Variants in MMP10 observed in about 807,000 individuals in gnomAD.
MMP10 encodes matrix metallopeptidase 10, also known as stromelysin-2.
Under a neutral mutation model 49.1 loss-of-function variants are expected in MMP10, and 50 were observed. The observed-to-expected ratio is 1.02, with a 90% CI of 0.81 to 1.29. The LOEUF (loss-of-function observed/expected upper bound fraction) is 1.29. MMP10 is among the 50% of genes most tolerant of loss of function. The pLI is 0.00. For missense variants in MMP10, 613 were observed against 563.8 expected, an observed-to-expected ratio of 1.09 and a Z score of -0.88; for synonymous variants, 229 against 201.6, an observed-to-expected ratio of 1.14 and a Z score of -1.15.
chr11:102,779,152 A>T, intron 3 of MMP10, 61 bp downstream of exon 3: 1 of 1,578,364 alleles, frequency 6.3e-7, no homozygotes, highest in Non-Finnish European at 8.6e-7. Flanking sequence ...GTCTAAGGTA[A>T]CTTGCTATAG....
chr11:102,777,775 G>A (rs926407080), intron 4 of MMP10, among the ~76,000 whole-genome samples: 1 of 152,104 alleles, frequency 6.6e-6, no homozygotes, highest in African/African-American at 2.4e-5. Context: ...GAAAAGAACA[G>A]TTGTTCAAAT....
intron 3 of MMP10, 80 bp from the exon 4 acceptor site, chr11:102,778,829 T>C (rs956103285): frequency 9.4e-5 from 144 of 1,528,390 alleles, no homozygotes; most frequent in Non-Finnish European, 1.1e-4. Flanking sequence ...CAGTAGATTC[T>C]ATAGTCTGAA....
Position 102,776,403 on chromosome 11 carries a change from T to A in MMP10, c.809A>T (p.Glu270Val), listed in dbSNP as rs1015188354. 2 of 1,613,856 alleles carry A rather than the reference T, an allele frequency of 1.2e-6. No homozygotes were observed. Among genetic ancestry groups the A allele is most frequent in the Non-Finnish European group, 1.7e-6 (2 of 1,179,904 alleles). ...SLYGPPPASTEEPLVPTKSVP... is the reference protein window; with the variant it reads ...SLYGPPPASTVEPLVPTKSVP... ...AGATTTTGTGGGCACCAGGGGTTCCTCAGTAGAGGCAGGGGGAGGTCCTAA... is the reference window on the plus strand; with the variant it reads ...AGATTTTGTGGGCACCAGGGGTTCCACAGTAGAGGCAGGGGGAGGTCCTAA... The change falls in exon 6 of 10, where the codon GAG becomes GTG. Residue 270 changes from glutamate (E) to valine (V), a missense_variant. Transcript: ENST00000279441.
Position 102,772,649 on chromosome 11 carries a change from G to A in MMP10, c.1226+198C>T, listed in dbSNP as rs1861986287. ...CCTCTCCTGATGTCTTTTAGTGTCT[G>A]AGTATATGGCCCAGTGATCACCATT... On this transcript the variant is annotated intron_variant, in intron 8 of 9. Coordinates refer to ENST00000279441, the MANE Select transcript of MMP10 (RefSeq NM_002425.3). The surrounding 1 kb of genome is among the most constrained non-coding windows in gnomAD (Gnocchi z 4.4). Among the ~76,000 whole-genome samples, 1 of 152,156 alleles carries A rather than the reference G, an allele frequency of 6.6e-6. No homozygotes were observed.
At position 102,772,088 on chromosome 11, in the gene MMP10, C is replaced by T. The variant is rs1861981694; in HGVS notation, c.1254G>A (p.Glu418=). ...WRFDENSQSM[E]QGFPRLIADD... The stretch of plus-strand genomic sequence containing the variant: ...CAGCTATTAGTCTAGGGAAGCCTTG[C>T]TCCATGGACTGGCTATTTTCATCAA... Residue 418 remains glutamate (E), a synonymous_variant, in exon 9 of 10, where the codon GAG becomes GAA. Coordinates refer to ENST00000279441, the MANE Select transcript of MMP10 (RefSeq NM_002425.3). The surrounding 1 kb of genome is among the most constrained non-coding windows in gnomAD (Gnocchi z 4.4). The T allele has an allele frequency of 1.2e-6, 2 of 1,612,678 alleles. No homozygotes were observed. Among genetic ancestry groups the T allele is most frequent in the Admixed American group, 1.7e-5 (1 of 59,944 alleles).
intron 4 of MMP10, among the ~76,000 whole-genome samples, chr11:102,777,002 T>C (rs1857750619): frequency 6.6e-6 from 1 of 152,184 alleles, no homozygotes; most frequent in African/African-American, 2.4e-5. Context: ...TATCCCTCCC[T>C]AGATCCCTCC....
chr11:102,773,755 C>G (rs1363387627), intron 7 of MMP10, among the ~76,000 whole-genome samples: 2 of 152,220 alleles, frequency 1.3e-5, no homozygotes, highest in Non-Finnish European at 2.9e-5. Flanking sequence ...AACATCACCT[C>G]CCCTAAGGGA....
In MMP10 at chr11:102,776,327, G is replaced by A. The variant is rs370246000; in HGVS notation, c.885C>T (p.Phe295=). The change falls in exon 6 of 10, where the codon TTC becomes TTT. Residue 295 remains phenylalanine (F), a synonymous_variant. Transcript: ENST00000279441. ...MPAKCDPALS[F]DAISTLRGEY... The stretch of plus-strand genomic sequence containing the variant: ...CTCCCCTCAGAGTGCTGATGGCATC[G>A]AAGGACAAAGCAGGATCACACTTGG... The A allele has an allele frequency of 7.1e-5, 115 of 1,613,714 alleles. No individual in the cohort carries two copies. Among genetic ancestry groups the A allele is most frequent in the Non-Finnish European group, 9.5e-5 (112 of 1,179,844 alleles).
rs1018568969 is a variant in MMP10 at position 102,779,675 on chromosome 11, A to G, written c.176T>C (p.Ile59Thr). ...KQFRRKDSNL[I>T]VKKIQGMQKF... ...CTGCATTCCTTGGATTTTTTTAACAATGAGATTACTGTCCTTTCTTCTAAA... is the reference window on the plus strand; with the variant it reads ...CTGCATTCCTTGGATTTTTTTAACAGTGAGATTACTGTCCTTTCTTCTAAA... Residue 59 changes from isoleucine (I) to threonine (T), a missense_variant, in exon 2 of 10, where the codon ATT (isoleucine) becomes ACT (threonine). Ile to Thr is a moderately conservative substitution (Grantham distance 89, BLOSUM62 -1). Coordinates refer to ENST00000279441, the MANE Select transcript of MMP10 (RefSeq NM_002425.3). The G allele has an allele frequency of 6.2e-7, 1 of 1,613,972 alleles. No homozygotes were observed. The highest frequency in any genetic ancestry group is 8.5e-7 in the Non-Finnish European group (1 of 1,179,988).
At chr11:102,779,795 A>G in intron 1 of MMP10, 50 bp from the exon 2 acceptor site, 1 of 1,571,578 alleles carries the variant, frequency 6.4e-7, no homozygotes, top group South Asian at 1.2e-5. Context: ...TCCATCATTT[A>G]TCCAACTTTT....
rs1370609216 is a variant in MMP10 at position 102,770,833 on chromosome 11, ACC to A, written c.1389_1390del (p.Met463IlefsTer8). 1 of 1,613,196 alleles carries A rather than the reference ACC, an allele frequency of 6.2e-7. No individual in the cohort carries two copies. The highest frequency in any genetic ancestry group is 1.3e-5 in the African/African-American group (1 of 75,024). ...GCTGTTACTCTTTAATATGTGTGTC[ACC>A]ATCCTGGCATTGGGGTCAAACTCAA... On this transcript the variant is annotated frameshift_variant, in exon 10 of 10. Transcript: ENST00000279441. LOFTEE classifies it high-confidence loss of function.
chr11:102,771,176 C>T (rs1186678860), intron 9 of MMP10, among the ~76,000 whole-genome samples: 1 of 152,158 alleles, frequency 6.6e-6, no homozygotes, highest in Non-Finnish European at 1.5e-5. Flanking sequence ...TCTCATCTGA[C>T]TCCAAAGGAA....
In MMP10 at chr11:102,772,999, C is replaced by G. The variant is rs769229991; in HGVS notation, c.1074G>C (p.Glu358Asp). 2 of 1,585,102 alleles carry G rather than the reference C, an allele frequency of 1.3e-6. No homozygotes were observed. The highest frequency in any genetic ancestry group is 1.2e-5 in the South Asian group (1 of 85,074). Residue 358 changes from glutamate (E) to aspartate (D), a missense_variant, in exon 8 of 10, where the codon GAG becomes GAC. Transcript: ENST00000279441. The surrounding 1 kb of genome is among the most constrained non-coding windows in gnomAD (Gnocchi z 4.4). ...RDTVFIFKGN[E>D]FWAIRGNEVQ... The stretch of plus-strand genomic sequence containing the variant: ...CCTCATTTCCTCTGATGGCCCAGAA[C>G]TCATTTCCTATTGAAAAAATAAATC...
At chr11:102,777,610 A>T (rs1857760678) in intron 4 of MMP10, among the ~76,000 whole-genome samples, 1 of 152,108 alleles carries the variant, frequency 6.6e-6, no homozygotes, top group South Asian at 2.1e-4. Flanking sequence ...GTGCCATTGG[A>T]TGTGTACAAT....
At chr11:102,771,990 A>C in intron 9 of MMP10, 22 bp downstream of exon 9, 1 of 1,443,960 alleles carries the variant, frequency 6.9e-7, no homozygotes, top group East Asian at 2.3e-5. Context: ...CCTGCATGAC[A>C]ATGAAATAAG....
Position 102,772,027 on chromosome 11 carries a change from C to G in MMP10, c.1315G>C (p.Val439Leu). The change falls in exon 9 of 10, where the codon GTA (valine) becomes CTA (leucine). Residue 439 changes from valine to leucine, a missense_variant. Coordinates refer to ENST00000279441, the MANE Select transcript of MMP10 (RefSeq NM_002425.3). The surrounding 1 kb of genome is among the most constrained non-coding windows in gnomAD (Gnocchi z 4.4). ...GTCTTCTTACCAAATGCCTGTAATA[C>G]AGCATCAACCTTAGGCTCAACTCCT... ...FPGVEPKVDA[V>L]LQAFGFFYFF... 6.2e-7 allele frequency: 1 copy of G among 1,609,388 alleles called. No homozygotes were observed. Among genetic ancestry groups the G allele is most frequent in the Non-Finnish European group, 8.5e-7 (1 of 1,175,970 alleles).
At chr11:102,777,056 G>A (rs1349430325) in intron 4 of MMP10, among the ~76,000 whole-genome samples, 1 of 151,458 alleles carries the variant, frequency 6.6e-6, no homozygotes. Flanking sequence ...TGACAAATGA[G>A]AAGCATTATT....
chr11:102,772,910 T>C lies in MMP10; in HGVS notation c.1163A>G (p.Asp388Gly), dbSNP rs1591702734. ...CTTTTCCTTGTCAGAAACAGCTGCA[T>C]CAATTTTCCTTATGGTTGGAGGAAA... The part of the protein sequence containing the change: ...LGFPPTIRKI[D>G]AAVSDKEKKK... The change falls in exon 8 of 10, where the codon GAT becomes GGT. Residue 388 changes from aspartate (D) to glycine (G), a missense_variant. Asp to Gly is a moderately conservative substitution (Grantham distance 94). Transcript: ENST00000279441. This position sits in a 1 kb window ranked among gnomAD's most constrained non-coding sequence, Gnocchi z 4.4. The C allele has an allele frequency of 1.9e-6, 3 of 1,613,890 alleles. No homozygotes were observed. The highest frequency in any genetic ancestry group is 2.7e-5 in the African/African-American group (2 of 75,026).
At position 102,776,162 on chromosome 11, in the gene MMP10, C is replaced by A. The variant is rs113734910; in HGVS notation, c.932+118G>T. The A allele has an allele frequency of 2.3e-5, 20 of 855,864 alleles. No individual in the cohort carries two copies. In the African/African-American group the frequency reaches 2.6e-4, roughly 11 times the overall value. 53.0% of individuals were successfully genotyped at this position (855,864 alleles called of 1,614,324 possible). A position where few individuals can be genotyped will look rare whatever the true frequency, so the allele number is the denominator to read the frequency against. On this transcript the variant is annotated intron_variant, in intron 6 of 9. Coordinates refer to ENST00000279441, the MANE Select transcript of MMP10 (RefSeq NM_002425.3). ...GACACGAGTTTATCTATATAACAAACCTGCACATGTACCCCTGAACCTAAA... is the reference window on the plus strand; with the variant it reads ...GACACGAGTTTATCTATATAACAAAACTGCACATGTACCCCTGAACCTAAA...
Sources: allele counts gnomAD v4.1 joint callset (sites outside exome capture counted in the v4.1 genomes callset), GRCh38; gene constraint gnomAD v4.1.1; non-coding constraint Gnocchi (gnomAD v3.1); transcripts MANE v1.5; gene names NCBI Gene and HGNC (gene_info 2026-07-23, HGNC 2026-07-21).